The following PDE4D variants were observed in gnomAD, a reference collection of about 807,000 sequenced individuals.
The protein encoded by PDE4D is phosphodiesterase 4D, also known as 3',5'-cyclic-AMP phosphodiesterase 4D.
Under a neutral mutation model 87.4 loss-of-function variants are expected in PDE4D, and 24 were observed. The ratio of observed to expected loss-of-function variants is 0.27; its 90% CI spans 0.20 to 0.39. The LOEUF (loss-of-function observed/expected upper bound fraction) is 0.39. Ranked by LOEUF, PDE4D falls within the 10% of genes least tolerant of loss-of-function variation. The pLI is 1.00. For synonymous variants in PDE4D, 384 were observed against 383.2 expected (o/e 1.00, Z -0.02); for missense variants, 714 against 1,041.0 (o/e 0.69, Z 4.32).
At chr5:59,078,360 T>TC (rs1766072260) in intron 5 of PDE4D, among the ~76,000 whole-genome samples, 2 of 152,210 alleles carry the variant, frequency 1.3e-5, no homozygotes, top group Non-Finnish European at 2.9e-5. Flanking sequence ...CTTTTGATTT[T>TC]TAAAAATTAC....
At chr5:60,007,847 G>A (rs968865462) in intron 2 of PDE4D, among the ~76,000 whole-genome samples, 4 of 151,958 alleles carry the variant, frequency 2.6e-5, no homozygotes, top group African/African-American at 4.8e-5. Context: ...TGATTTAGGT[G>A]CTCTGATATA....
chr5:59,332,518 A>G (rs1044305631), intron 1 of PDE4D, among the ~76,000 whole-genome samples: 2 of 152,264 alleles, frequency 1.3e-5, no homozygotes, highest in South Asian at 2.1e-4. Context: ...TGATATAAAA[A>G]ATCTTAGTTC....
chr5:59,356,307 G>T (rs1007205365), intron 1 of PDE4D, among the ~76,000 whole-genome samples: 1 of 152,164 alleles, frequency 6.6e-6, no homozygotes, highest in Non-Finnish European at 1.5e-5. Context: ...ATGTAATTCT[G>T]CTGGGCAAGA....
intron 1 of PDE4D, among the ~76,000 whole-genome samples, chr5:59,571,340 T>C (rs115651745): frequency 3.0e-3 from 454 of 152,300 alleles, no homozygotes; most frequent in African/African-American, 0.01. Flanking sequence ...AAAGGTCATT[T>C]CCCTTTTTTT....
Position 60,150,502 on chromosome 5 carries a change from TA to T in PDE4D, c.42+35054del, listed in dbSNP as rs1486025443. ...CAGAGCTGCTATGCAACAAGATAAA[TA>T]GGTAATTTTTGTGTTTAAAAAGTGT... is the stretch of plus-strand genomic sequence containing the variant. On this transcript the variant is annotated intron_variant, in intron 2 of 16. Transcript: ENST00000502484. 1.3e-4 allele frequency among the ~76,000 whole-genome samples: 20 copies of T among 152,194 alleles called. No individual in the cohort carries two copies. In the South Asian group the frequency reaches 3.9e-3, roughly 30 times the overall value.
chr5:59,434,976 GA>G (rs1196273640), intron 1 of PDE4D, among the ~76,000 whole-genome samples: 1 of 152,080 alleles, frequency 6.6e-6, no homozygotes, highest in Non-Finnish European at 1.5e-5. Context: ...TTTCAGATGA[GA>G]AAAACAAGAC....
At chr5:59,283,184 C>T (rs372688424) in intron 1 of PDE4D, among the ~76,000 whole-genome samples, 1 of 152,100 alleles carries the variant, frequency 6.6e-6, no homozygotes, top group African/African-American at 2.4e-5. Context: ...ATAATATCTG[C>T]TATTAAAAAT....
rs1561402852 is a variant in PDE4D at position 59,649,904 on chromosome 5, C to CTTTTTTTTTTTT, written c.455+243263_455+243264insAAAAAAAAAAAA. On this transcript the variant is annotated intron_variant, in intron 1 of 14. Transcript: ENST00000340635. ...TGTTAAAATGTTGATAGTTTGTGAACCTTTTTTTTTTTTTTTTTTTTTTTT... is the reference window on the plus strand; with the variant it reads ...TGTTAAAATGTTGATAGTTTGTGAACTTTTTTTTTTTTCTTTTTTTTTTTTTTTTTTTTTTTT... Among the ~76,000 whole-genome samples the CTTTTTTTTTTTT allele has an allele frequency of 9.7e-3, 717 of 73,946 alleles. 125 individuals carry two copies. Among genetic ancestry groups the CTTTTTTTTTTTT allele is most frequent in the African/African-American group, 0.017 (315 of 19,066 alleles). The allele number at this position is 73,946 out of a possible 152,430, so 48.5% of individuals were successfully genotyped here.
chr5:59,067,981 A>T (rs145163291), intron 5 of PDE4D, among the ~76,000 whole-genome samples: 97 of 152,332 alleles, frequency 6.4e-4, no homozygotes, highest in African/African-American at 2.2e-3. Flanking sequence ...TCATGACTCA[A>T]AATTTATGAA....
At chr5:59,314,549 CAG>C (rs1773311026) in intron 1 of PDE4D, 1 of 152,162 alleles carries the variant, frequency 6.6e-6, no homozygotes, top group Non-Finnish European at 1.5e-5. Flanking sequence ...TCATGGACAA[CAG>C]ACTAGCTCTA....
chr5:59,242,674 TTGAG>T (rs1180025569), intron 1 of PDE4D, among the ~76,000 whole-genome samples: 2 of 152,168 alleles, frequency 1.3e-5, no homozygotes, highest in African/African-American at 4.8e-5. Context: ...TTCACATTTA[TTGAG>T]TATTTACTGT....
At chr5:59,301,506 G>A (rs2153560420) in intron 1 of PDE4D, among the ~76,000 whole-genome samples, 1 of 152,272 alleles carries the variant, frequency 6.6e-6, no homozygotes, top group South Asian at 2.1e-4. Context: ...TCTGAAGCCG[G>A]TAAAGAGAAT....
intron 1 of PDE4D, among the ~76,000 whole-genome samples, chr5:60,203,218 G>A (rs180941225): frequency 2.6e-4 from 40 of 152,206 alleles, no homozygotes; most frequent in African/African-American, 7.9e-4. Flanking sequence ...TGATCTACCC[G>A]CCTCCACCTC....
intron 7 of PDE4D, among the ~76,000 whole-genome samples, chr5:58,992,483 A>G (rs908446810): frequency 1.3e-5 from 2 of 152,176 alleles, no homozygotes; most frequent in African/African-American, 2.4e-5. Context: ...CTAACAGCTA[A>G]CTGAAATGGG....
chr5:60,453,659 A>AT (rs1208275015), intron 1 of PDE4D, among the ~76,000 whole-genome samples: 6 of 149,694 alleles, frequency 4.0e-5, no homozygotes, highest in South Asian at 2.1e-4. Context: ...CAGCTTCGTT[A>AT]TTTTTTTTTT....
chr5:60,124,634 A>G (rs1208833817), intron 2 of PDE4D, among the ~76,000 whole-genome samples: 2 of 152,098 alleles, frequency 1.3e-5, no homozygotes, highest in Admixed American at 1.3e-4. Context: ...GATTCTTCCC[A>G]TTTACATAGC....
At chr5:59,491,350 C>T (rs1359618427) in intron 1 of PDE4D, among the ~76,000 whole-genome samples, 2 of 152,176 alleles carry the variant, frequency 1.3e-5, no homozygotes, top group Non-Finnish European at 2.9e-5. Context: ...TAGCTCCCTT[C>T]TTTCTTGTTT....
At chr5:59,850,778 A>G (rs1744558630) in intron 1 of PDE4D, among the ~76,000 whole-genome samples, 1 of 152,108 alleles carries the variant, frequency 6.6e-6, no homozygotes, top group Non-Finnish European at 1.5e-5. Context: ...AAACAAGGAC[A>G]GGACTTATAA....
chr5:59,171,117 G>T (rs928418549), intron 5 of PDE4D, among the ~76,000 whole-genome samples: 12 of 151,850 alleles, frequency 7.9e-5, no homozygotes, highest in African/African-American at 2.9e-4. Flanking sequence ...CCTGACCTCA[G>T]GTGATCCACC....
Sources: gnomAD v4.1 joint callset for allele counts (sites outside exome capture counted in the v4.1 genomes callset) on GRCh38, gnomAD v4.1.1 for gene constraint, MANE v1.5 for transcripts, NCBI Gene and HGNC (gene_info 2026-07-23, HGNC 2026-07-21) for gene names.